The following CABYR variants were observed in gnomAD, a reference collection of about 807,000 sequenced individuals.
CABYR encodes calcium binding tyrosine phosphorylation regulated.
CABYR carries 31 observed loss-of-function variants against 36.1 expected under a neutral mutation model. The observed-to-expected ratio is 0.86, with a 90% confidence interval of 0.64 to 1.16. CABYR has a LOEUF of 1.16. CABYR is among the 50% of genes most tolerant of loss of function. The probability of loss-of-function intolerance (pLI) is 0.00; values close to 1 mark genes in which losing one functional copy is unlikely to be tolerated. For missense variants in CABYR, 429 were observed against 455.8 expected, an observed-to-expected ratio of 0.94 and a Z score of 0.53; for synonymous variants, 146 against 160.7, an observed-to-expected ratio of 0.91 and a Z score of 0.69.
chr18:24,149,160 CAG>C (rs1211988378), intron 3 of CABYR, among the ~76,000 whole-genome samples: 3 of 152,066 alleles, frequency 2.0e-5, no homozygotes, highest in African/African-American at 4.8e-5. Context: ...TAGCTAGATA[CAG>C]AGTGTCGATT....
At chr18:24,155,168 C>G (rs957466406) in intron 3 of CABYR, among the ~76,000 whole-genome samples, 2 of 152,156 alleles carry the variant, frequency 1.3e-5, no homozygotes, top group Non-Finnish European at 2.9e-5. Context: ...TGGTCTCCCC[C>G]CCACCCAACC....
chr18:24,161,433 GCATTTCTAATCTTCTGCT>G, intron 5 of CABYR, 65 bp from the exon 6 acceptor site: 1 of 760,680 alleles, frequency 1.3e-6, no homozygotes, highest in Admixed American at 1.7e-5. Flanking sequence ...GGTAGACCTT[GCATTTCTAATCTTCTGCT>G]CATTTCACAT....
intron 3 of CABYR, chr18:24,150,471 A>G (rs910962927): frequency 4.7e-5 from 18 of 385,958 alleles, no homozygotes; most frequent in Non-Finnish European, 6.0e-5. Context: ...ATTGTCATAT[A>G]ATCAATCATC....
chr18:24,157,867 T>A (rs2145884601), intron 4 of CABYR, among the ~76,000 whole-genome samples: 1 of 152,330 alleles, frequency 6.6e-6, no homozygotes, highest in South Asian at 2.1e-4. Flanking sequence ...AGAAGGGACG[T>A]GCATGAGCCA....
rs771693526 is a variant in CABYR, at chr18:24,159,649, CAA to C, written c.722_723del (p.Lys241SerfsTer62). The C allele has an allele frequency of 1.2e-5, 20 of 1,613,908 alleles. No individual in the cohort carries two copies. Among genetic ancestry groups the C allele is most frequent in the Middle Eastern group, 3.3e-4 (2 of 6,084 alleles). On this transcript the variant is annotated frameshift_variant, in exon 5 of 6. Transcript: ENST00000399496. LOFTEE classifies it high-confidence loss of function. The stretch of plus-strand genomic sequence containing the variant: ...GATCCACAGTTTCAGCAGCATCCAC[CAA>C]AAGTCACTTTTCCAACTTATGTGAT...
chr18:24,159,023 AT>A (rs2085874865), intron 4 of CABYR, among the ~76,000 whole-genome samples: 1 of 152,188 alleles, frequency 6.6e-6, no homozygotes, highest in Non-Finnish European at 1.5e-5. Context: ...AGAGATTTTG[AT>A]TATGTGAAGA....
At chr18:24,142,448 G>C (rs1252663162) in intron 1 of CABYR, among the ~76,000 whole-genome samples, 1 of 152,186 alleles carries the variant, frequency 6.6e-6, no homozygotes, top group Admixed American at 6.6e-5. Context: ...GTGTGGTTTG[G>C]AAGGACTTGT....
intron 4 of CABYR, among the ~76,000 whole-genome samples, chr18:24,158,337 A>T (rs1599399270): frequency 2.8e-5 from 4 of 141,962 alleles, no homozygotes; most frequent in African/African-American, 7.9e-5. Context: ...TTTTTTTTTG[A>T]GACGGAGTTT....
Position 24,153,868 on chromosome 18 carries a change from G to C in CABYR, c.200-1833G>C, listed in dbSNP as rs149787668. Among the ~76,000 whole-genome samples, 327 of 152,152 alleles carry C rather than the reference G, an allele frequency of 2.1e-3. 12 individuals carry two copies. The East Asian group carries it at 0.058, about 27-fold the overall frequency. ...CCCTGTAATCCCAGCACTTTGGAAG[G>C]CCGAGGCAGGTGGATCACAAGATCA... On this transcript the variant is annotated intron_variant, in intron 3 of 5. Transcript: ENST00000399496.
chr18:24,158,599 TGA>T (rs2085860119), intron 4 of CABYR, among the ~76,000 whole-genome samples: 1 of 152,210 alleles, frequency 6.6e-6, no homozygotes, highest in South Asian at 2.1e-4. Flanking sequence ...ATTACAGGCG[TGA>T]GCCACTGCGC....
chr18:24,149,932 T>G (rs2085575876), intron 3 of CABYR, among the ~76,000 whole-genome samples: 2 of 152,180 alleles, frequency 1.3e-5, no homozygotes, highest in African/African-American at 4.8e-5. Flanking sequence ...CGCTGGCGCC[T>G]CTCCCTCCAC....
intron 4 of CABYR, among the ~76,000 whole-genome samples, chr18:24,159,104 T>A (rs2085876961): frequency 1.3e-5 from 2 of 152,220 alleles, no homozygotes; most frequent in Non-Finnish European, 2.9e-5. Context: ...TTTAATGGCT[T>A]AACACACTCT....
At chr18:24,154,511 A>C (rs2085722206) in intron 3 of CABYR, among the ~76,000 whole-genome samples, 1 of 152,224 alleles carries the variant, frequency 6.6e-6, no homozygotes, top group Non-Finnish European at 1.5e-5. Flanking sequence ...TAGAAATCTT[A>C]ATTGAATTTA....
rs1005039856 is a variant in CABYR, at chr18:24,159,879, C to T, written c.949C>T (p.Pro317Ser). Residue 317 changes from proline to serine, a missense_variant, in exon 5 of 6, where the codon CCT (proline) becomes TCT (serine). Pro to Ser is a moderately conservative substitution (Grantham distance 74, BLOSUM62 -1). Coordinates refer to ENST00000399496, the MANE Select transcript of CABYR (RefSeq NM_153769.3). ...KHTLSPQNAN[P>S]PSGQDVPRPK... ...TACCCTAAGTCCCCAGAATGCTAAT[C>T]CTCCAAGTGGACAAGATGTCCCCAG... 3.7e-6 allele frequency: 6 copies of T among 1,614,046 alleles called. No individual in the cohort carries two copies. The highest frequency in any genetic ancestry group is 3.3e-5 in the Admixed American group (2 of 59,986).
At position 24,159,508 on chromosome 18, in the gene CABYR, G is replaced by A. The variant is rs2085889113; in HGVS notation, c.578G>A (p.Cys193Tyr). 1.9e-6 allele frequency: 3 copies of A among 1,613,950 alleles called. No individual in the cohort carries two copies. The highest frequency in any genetic ancestry group is 2.5e-6 in the Non-Finnish European group (3 of 1,179,954). ...AGTGAACGAGGACAACCACCACCAT[G>A]TTCTAACATGTGGACCCTTTATTGT... ...ATSERGQPPP[C>Y]SNMWTLYCLT... The change falls in exon 5 of 6, where the codon TGT becomes TAT. Residue 193 changes from cysteine (C) to tyrosine (Y), a missense_variant. Cys to Tyr is a radical substitution (Grantham distance 194). Transcript: ENST00000399496.
intron 3 of CABYR, among the ~76,000 whole-genome samples, chr18:24,149,492 A>T (rs780703600): frequency 2.1e-4 from 32 of 152,228 alleles, no homozygotes; most frequent in Non-Finnish European, 3.7e-4. Flanking sequence ...GGCTTCACCC[A>T]GTGGATCCTG....
chr18:24,145,914 C>T (rs1212037856), intron 3 of CABYR, among the ~76,000 whole-genome samples: 6 of 152,288 alleles, frequency 3.9e-5, no homozygotes, highest in Admixed American at 3.3e-4. Context: ...AGTATGCCCA[C>T]TTCAACAGAA....
At position 24,143,163 on chromosome 18, in the gene CABYR, C is replaced by G. The variant is rs1346783834; in HGVS notation, c.49C>G (p.Leu17Val). 1.2e-6 allele frequency: 2 copies of G among 1,613,878 alleles called. No individual in the cohort carries two copies. The highest frequency in any genetic ancestry group is 2.2e-5 in the South Asian group (2 of 91,010). Residue 17 changes from leucine (L) to valine (V), a missense_variant, in exon 2 of 6, where the codon CTG (leucine) becomes GTG (valine). Coordinates refer to ENST00000399496, the MANE Select transcript of CABYR (RefSeq NM_153769.3). ...TGTCGTACCCTATGGCCTCAAGACTCTGCTCGAGGGAATTAGCAGAGCTGT... is the reference window on the plus strand; with the variant it reads ...TGTCGTACCCTATGGCCTCAAGACTGTGCTCGAGGGAATTAGCAGAGCTGT... The part of the protein sequence containing the change: ...RLVVPYGLKT[L>V]LEGISRAVLK...
At chr18:24,146,403 T>C (rs1444960968) in intron 3 of CABYR, among the ~76,000 whole-genome samples, 1 of 152,064 alleles carries the variant, frequency 6.6e-6, no homozygotes, top group Non-Finnish European at 1.5e-5. Flanking sequence ...TATGGAACAT[T>C]GTCAAAAGGT....
Sources: gnomAD v4.1 joint callset for allele counts (sites outside exome capture counted in the v4.1 genomes callset) on GRCh38, gnomAD v4.1.1 for gene constraint, MANE v1.5 for transcripts, NCBI Gene and HGNC (gene_info 2026-07-23, HGNC 2026-07-21) for gene names.